TMC6: variants seen among roughly 807,000 people sequenced by gnomAD.
The protein encoded by TMC6 is transmembrane channel like 6.
TMC6 carries 71 observed loss-of-function variants against 95.4 expected under a neutral mutation model. The ratio of observed to expected loss-of-function variants is 0.74; its 90% CI spans 0.61 to 0.91. The LOEUF (loss-of-function observed/expected upper bound fraction) is 0.91. TMC6 is among the 40% of genes least tolerant of loss of function. The probability of loss-of-function intolerance (pLI) is 0.00; values close to 1 mark genes in which losing one functional copy is unlikely to be tolerated. For missense variants in TMC6, 1,074 were observed against 1,079.1 expected (o/e 1.00, Z 0.07); for synonymous variants, 514 against 483.1 (o/e 1.06, Z -0.84).
At chr17:78,115,273 C>G (rs1041165919) in intron 18 of TMC6, among the ~76,000 whole-genome samples, 1 of 152,230 alleles carries the variant, frequency 6.6e-6, no homozygotes, top group Non-Finnish European at 1.5e-5. Flanking sequence ...ACTGGCTGCA[C>G]CCCGCCCTGC....
Position 78,124,554 on chromosome 17 carries a change from G to A in TMC6, c.861C>T (p.Val287=), listed in dbSNP as rs1891693902. 6.2e-7 allele frequency: 1 copy of A among 1,611,812 alleles called. No homozygotes were observed. The highest frequency in any genetic ancestry group is 1.3e-5 in the African/African-American group (1 of 74,924). The stretch of plus-strand genomic sequence containing the variant: ...CTGTGAGGAGCTCCAGGCCTGTGCA[G>A]ACGGGGGCAGGGCCCGGCAGGGCGG... The part of the protein sequence containing the change: ...FPPALPGPAP[V]CTGLELLTGA... The change falls in exon 8 of 20, where the codon GTC becomes GTT. Residue 287 remains valine (V), a synonymous_variant. Transcript: ENST00000590602.
chr17:78,128,285 C>T lies in TMC6; in HGVS notation c.-75+327G>A, dbSNP rs1353244580. On this transcript the variant is annotated intron_variant, in intron 1 of 19. Coordinates refer to ENST00000590602, the MANE Select transcript of TMC6 (RefSeq NM_001127198.5). The surrounding 1 kb of genome is among the most constrained non-coding windows in gnomAD (Gnocchi z 4.0). ...GGCTGCAACTCTGGGGCCACCGAAC[C>T]CGTCCAGCCGGCCTCCCTGTCCCCC... Among the ~76,000 whole-genome samples, 4 of 152,266 alleles carry T rather than the reference C, an allele frequency of 2.6e-5. No homozygotes were observed. The South Asian group carries it at 8.3e-4, about 32-fold the overall frequency.
intron 18 of TMC6, among the ~76,000 whole-genome samples, chr17:78,115,003 GCC>G: frequency 2.0e-5 from 3 of 152,376 alleles, no homozygotes; most frequent in Non-Finnish European, 4.4e-5. Flanking sequence ...GCTCTGAAAT[GCC>G]ACCCAGTAGG....
At chr17:78,115,150 A>G (rs758097052) in intron 18 of TMC6, among the ~76,000 whole-genome samples, 1 of 152,210 alleles carries the variant, frequency 6.6e-6, no homozygotes, top group African/African-American at 2.4e-5. Context: ...TTACAACCCA[A>G]GCAATGTGGG....
chr17:78,120,151 AC>A, intron 13 of TMC6: 1 of 251,904 alleles, frequency 4.0e-6, no homozygotes, highest in Non-Finnish European at 7.3e-6. Context: ...TATACACGTT[AC>A]TTTTTTTTTT....
At position 78,126,791 on chromosome 17, in the gene TMC6, G is replaced by C. The variant is rs1221192381; in HGVS notation, c.42C>G (p.Thr14=). ...PLAFILDVPE[T]PGDQGQGPSP... ...AGAGCGCTTACCCCTGGTCCCCTGG[G>C]GTCTCAGGGACATCGAGGATGAAGG... The change falls in exon 2 of 20, where the codon ACC becomes ACG. Residue 14 remains threonine, a synonymous_variant. Coordinates refer to ENST00000590602, the MANE Select transcript of TMC6 (RefSeq NM_001127198.5). The C allele has an allele frequency of 6.2e-7, 1 of 1,613,304 alleles. No homozygotes were observed. The highest frequency in any genetic ancestry group is 1.1e-5 in the South Asian group (1 of 91,058).
At chr17:78,118,448 C>T (rs1009313630) in intron 15 of TMC6, among the ~76,000 whole-genome samples, 3 of 152,018 alleles carry the variant, frequency 2.0e-5, no homozygotes, top group Non-Finnish European at 2.9e-5. Context: ...CCCAGCCACT[C>T]GGGAGGCTGA....
chr17:78,131,641 C>CG (rs1568011523), upstream of TMC6: 3 of 1,557,668 alleles, frequency 1.9e-6, no homozygotes. Flanking sequence ...GTGCCGGAGC[C>CG]GGAGGAGCTG....
intron 13 of TMC6, chr17:78,119,701 C>G: frequency 2.3e-6 from 1 of 438,934 alleles, no homozygotes; most frequent in Non-Finnish European, 4.2e-6. Flanking sequence ...GTGACGCAAT[C>G]GTGGCTCACT....
chr17:78,127,289 T>G (rs2074767272), intron 1 of TMC6, among the ~76,000 whole-genome samples: 1 of 152,164 alleles, frequency 6.6e-6, no homozygotes, highest in South Asian at 2.1e-4. Flanking sequence ...AAGGTCAGAG[T>G]AGGCTGTAGG....
intron 18 of TMC6, among the ~76,000 whole-genome samples, chr17:78,115,941 G>A (rs1232111844): frequency 6.6e-6 from 1 of 151,802 alleles, no homozygotes; most frequent in Non-Finnish European, 1.5e-5. Context: ...GGGACCAGCT[G>A]CCGGGTGGAC....
intron 4 of TMC6, 26 bp from the exon 5 acceptor site, chr17:78,125,910 G>T (rs373258567): frequency 2.2e-5 from 34 of 1,549,808 alleles, no homozygotes; most frequent in Non-Finnish European, 2.7e-5. Context: ...GGCAGGGCCG[G>T]GCCGGGCAGG....
Position 78,112,478 on chromosome 17 carries a change from G to T in TMC6, c.*670C>A. 6.2e-6 allele frequency: 1 copy of T among 162,154 alleles called. No individual in the cohort carries two copies. The allele number at this position is 162,154 out of a possible 1,614,324, so 10.0% of individuals were successfully genotyped here. A position where few individuals can be genotyped will look rare whatever the true frequency, so the allele number is the denominator to read the frequency against. ...CCAGCTGCTGGCAGCCAGAAGCAGG[G>T]GGCCAGCCCCACCTCACCAAGCCCT... On this transcript the variant is annotated 3_prime_UTR_variant, in exon 20 of 20. Coordinates refer to ENST00000590602, the MANE Select transcript of TMC6 (RefSeq NM_001127198.5).
rs377112991 is a variant in TMC6 at position 78,119,355 on chromosome 17, G to A, written c.1753C>T (p.Pro585Ser). ...ACATTCCGGGCAATGTCAAACTCCG[G>A]CTTCCGCCTCCTCTTCAGCTTCTTC... ...SEKKLKRRRK[P>S]EFDIARNVLE... Residue 585 changes from proline (P) to serine (S), a missense_variant, in exon 14 of 20, where the codon CCG (proline) becomes TCG (serine). Physicochemically the swap from Pro to Ser is moderately conservative, Grantham distance 74. Coordinates refer to ENST00000590602, the MANE Select transcript of TMC6 (RefSeq NM_001127198.5). The A allele has an allele frequency of 6.2e-7, 1 of 1,614,048 alleles. No individual in the cohort carries two copies. The highest frequency in any genetic ancestry group is 1.1e-5 in the South Asian group (1 of 91,086).
At chr17:78,124,389 AGCTGGCTGT>A (rs2074587704) in intron 8 of TMC6, 126 bp downstream of exon 8, 1 of 1,443,086 alleles carries the variant, frequency 6.9e-7, no homozygotes, top group African/African-American at 1.4e-5. Flanking sequence ...GGAGGCGGGG[AGCTGGCTGT>A]GGCCACCTGG....
chr17:78,119,599 C>T (rs2074307738), intron 13 of TMC6, among the ~76,000 whole-genome samples: 1 of 152,182 alleles, frequency 6.6e-6, no homozygotes, highest in African/African-American at 2.4e-5. Context: ...TTCGGATACA[C>T]CCGGAGTTAA....
At position 78,111,751 on chromosome 17, in the gene TMC6, G is replaced by A; in HGVS notation, c.*1397C>T. 5.6e-6 allele frequency: 1 copy of A among 179,846 alleles called. No homozygotes were observed. The highest frequency in any genetic ancestry group is 1.2e-5 in the Non-Finnish European group (1 of 84,466). The allele number at this position is 179,846 out of a possible 1,614,324, so 11.1% of individuals were successfully genotyped here. On this transcript the variant is annotated 3_prime_UTR_variant, in exon 20 of 20. Transcript: ENST00000590602. ...CTAGCAGCCAGTGGCATCTCCATCT[G>A]GGTCTGACCCTTTTCTGGGCCCATC...
In TMC6 at chr17:78,117,825, G is replaced by T; in HGVS notation, c.1998C>A (p.Val666=). Residue 666 remains valine (V), a synonymous_variant, in exon 16 of 20, where the codon GTC becomes GTA. Coordinates refer to ENST00000590602, the MANE Select transcript of TMC6 (RefSeq NM_001127198.5). Reference sequence around the variant, plus strand: ...ACTGCCAGACGGCGTAGCAGAGGAAGACAGCGGCGCCCAGGAAGGCGGGGA... The same window carrying T: ...ACTGCCAGACGGCGTAGCAGAGGAATACAGCGGCGCCCAGGAAGGCGGGGA... ...LCFPAFLGAA[V]FLCYAVWQVK... is the part of the protein sequence containing the mutation. The T allele has an allele frequency of 1.2e-6, 2 of 1,607,698 alleles. No individual in the cohort carries two copies. Among genetic ancestry groups the T allele is most frequent in the Non-Finnish European group, 1.7e-6 (2 of 1,177,302 alleles).
At chr17:78,120,413 G>C (rs916134809) in intron 13 of TMC6, 22 of 614,398 alleles carry the variant, frequency 3.6e-5, no homozygotes, top group Non-Finnish European at 5.7e-5. Context: ...ACTCACCTCA[G>C]CCTCCCAAAG....
Sources: allele counts gnomAD v4.1 joint callset (sites outside exome capture counted in the v4.1 genomes callset), GRCh38; gene constraint gnomAD v4.1.1; non-coding constraint Gnocchi (gnomAD v3.1); transcripts MANE v1.5; gene names NCBI Gene and HGNC (gene_info 2026-07-23, HGNC 2026-07-21).